Variants in SHISA9 observed in about 807,000 individuals in gnomAD.
SHISA9 encodes shisa family member 9, also known as protein shisa-9.
A neutral mutation model predicts 38.0 loss-of-function variants in SHISA9; 13 were observed. That is an observed-to-expected ratio of 0.34 (90% CI 0.22 to 0.54). The LOEUF is 0.54. Ranked by LOEUF, SHISA9 falls within the 20% of genes least tolerant of loss-of-function variation. The pLI, the probability that SHISA9 is intolerant of heterozygous loss-of-function variation, is 0.91. For synonymous variants in SHISA9, 275 were observed against 242.0 expected (o/e 1.14, Z -1.27); for missense variants, 538 against 575.8 (o/e 0.93, Z 0.67).
chr16:13,289,553 C>T, the SHISA9 span, among the ~76,000 whole-genome samples: 1 of 151,378 alleles, frequency 6.6e-6, no homozygotes, highest in Non-Finnish European at 1.5e-5. Flanking sequence ...AAAAAAAACC[C>T]CAAGAGGATC....
intron 2 of SHISA9, among the ~76,000 whole-genome samples, chr16:13,115,022 C>T (rs963229366): frequency 6.6e-6 from 1 of 151,772 alleles, no homozygotes; most frequent in African/African-American, 2.4e-5. Context: ...ATCTATTTAT[C>T]CATCCATCTA....
At chr16:13,518,963 A>C in the SHISA9 span, among the ~76,000 whole-genome samples, 2 of 152,296 alleles carry the variant, frequency 1.3e-5, no homozygotes, top group East Asian at 1.9e-4. Flanking sequence ...TAATCCCTTC[A>C]TGAGAGCAGA....
At chr16:12,927,458 G>A (rs1466976643) in intron 2 of SHISA9, among the ~76,000 whole-genome samples, 1 of 152,124 alleles carries the variant, frequency 6.6e-6, no homozygotes, top group Admixed American at 6.6e-5. Flanking sequence ...GAGTGCAGTG[G>A]TGAGATCACA....
chr16:13,263,334 G>A, the SHISA9 span, among the ~76,000 whole-genome samples: 1 of 152,162 alleles, frequency 6.6e-6, no homozygotes, highest in African/African-American at 2.4e-5. Context: ...TTGGAGGTGG[G>A]GCCTGGTGGG....
chr16:12,985,980 C>T (rs1476959817), intron 2 of SHISA9, among the ~76,000 whole-genome samples: 1 of 152,182 alleles, frequency 6.6e-6, no homozygotes, highest in African/African-American at 2.4e-5. Flanking sequence ...GGCCGACTTA[C>T]ACTCCAGAGC....
the SHISA9 span, among the ~76,000 whole-genome samples, chr16:13,379,549 A>T: frequency 6.6e-6 from 1 of 152,224 alleles, no homozygotes. Flanking sequence ...GACAAGTGGC[A>T]AATGACATTA....
chr16:13,401,966 G>T, the SHISA9 span, among the ~76,000 whole-genome samples: 1 of 152,006 alleles, frequency 6.6e-6, no homozygotes, highest in African/African-American at 2.4e-5. Context: ...CCCATATCAC[G>T]AGAACAGCAT....
chr16:13,369,225 A>G, the SHISA9 span, among the ~76,000 whole-genome samples: 8 of 152,166 alleles, frequency 5.3e-5, no homozygotes, highest in African/African-American at 1.9e-4. Context: ...AGGATATAAC[A>G]TTGTGGATAA....
At chr16:13,397,476 C>T in the SHISA9 span, among the ~76,000 whole-genome samples, 14 of 152,284 alleles carry the variant, frequency 9.2e-5, no homozygotes, top group South Asian at 2.9e-3. Flanking sequence ...GCCCGCCCCG[C>T]TGGGGTGCAG....
At chr16:13,344,066 C>T in the SHISA9 span, among the ~76,000 whole-genome samples, 1 of 152,214 alleles carries the variant, frequency 6.6e-6, no homozygotes, top group Non-Finnish European at 1.5e-5. Context: ...AGCTTCACAA[C>T]CCATGACGGT....
chr16:13,189,685 G>A (rs1482967783), intron 2 of SHISA9, among the ~76,000 whole-genome samples: 3 of 152,198 alleles, frequency 2.0e-5, no homozygotes, highest in Non-Finnish European at 2.9e-5. Flanking sequence ...CCTGAAAGAT[G>A]GCTCAGAGTT....
At chr16:13,251,809 T>C in the SHISA9 span, among the ~76,000 whole-genome samples, 2 of 152,206 alleles carry the variant, frequency 1.3e-5, no homozygotes, top group Non-Finnish European at 2.9e-5. Flanking sequence ...GAGGGCTCTG[T>C]TGATGAACCA....
chr16:13,370,594 G>T, the SHISA9 span, among the ~76,000 whole-genome samples: 46 of 152,214 alleles, frequency 3.0e-4, no homozygotes, highest in African/African-American at 1.0e-3. Context: ...CTAATTGTAC[G>T]GAAATGAGAG....
chr16:13,120,445 C>T (rs2074074952), intron 2 of SHISA9, among the ~76,000 whole-genome samples: 1 of 152,200 alleles, frequency 6.6e-6, no homozygotes, highest in Non-Finnish European at 1.5e-5. Flanking sequence ...GCACCATATT[C>T]ATAGTGCCCC....
the SHISA9 span, among the ~76,000 whole-genome samples, chr16:13,477,781 A>G: frequency 6.6e-6 from 1 of 152,178 alleles, no homozygotes; most frequent in Non-Finnish European, 1.5e-5. Flanking sequence ...CCTGACCAAC[A>G]TGGTAAAACC....
chr16:12,960,074 G>A (rs1306260952), intron 2 of SHISA9, among the ~76,000 whole-genome samples: 4 of 152,216 alleles, frequency 2.6e-5, no homozygotes, highest in Admixed American at 6.5e-5. Context: ...CAGCCTTCAC[G>A]TTTCTTATGT....
At chr16:12,952,415 G>A (rs1013790133) in intron 2 of SHISA9, among the ~76,000 whole-genome samples, 2 of 152,170 alleles carry the variant, frequency 1.3e-5, no homozygotes, top group Non-Finnish European at 2.9e-5. Flanking sequence ...TTTATCCATT[G>A]ATATATTGGG....
At chr16:13,530,339 C>T in the SHISA9 span, among the ~76,000 whole-genome samples, 1 of 152,148 alleles carries the variant, frequency 6.6e-6, no homozygotes, top group Admixed American at 6.5e-5. Flanking sequence ...TATCACCTAC[C>T]AGCTCTGTGT....
chr16:13,064,956 A>C (rs2073417506), intron 2 of SHISA9, among the ~76,000 whole-genome samples: 1 of 152,320 alleles, frequency 6.6e-6, no homozygotes, highest in Non-Finnish European at 1.5e-5. Context: ...CTGATGGATC[A>C]CAAACTGCAT....
Sources: allele counts gnomAD v4.1 joint callset (sites outside exome capture counted in the v4.1 genomes callset), GRCh38; gene constraint gnomAD v4.1.1; transcripts MANE v1.5; gene names NCBI Gene and HGNC (gene_info 2026-07-23, HGNC 2026-07-21).